Variants in ARL15 observed in about 807,000 individuals in gnomAD.
ARL15 encodes ADP-ribosylation factor-like protein 15.
In ARL15, 19 loss-of-function variants were observed where a neutral mutation model predicts 25.2. The observed-to-expected ratio is 0.75, with a 90% confidence interval of 0.53 to 1.10. The LOEUF is 1.10. ARL15 is among the 50% of genes least tolerant of loss of function. ARL15 has a pLI of 0.00. For missense variants in ARL15, 220 were observed against 246.0 expected (o/e 0.89, Z 0.71); for synonymous variants, 94 against 86.8 (o/e 1.08, Z -0.46).
At chr5:54,139,835 A>C (rs1163993569) in intron 3 of ARL15, among the ~76,000 whole-genome samples, 1 of 152,164 alleles carries the variant, frequency 6.6e-6, no homozygotes, top group Non-Finnish European at 1.5e-5. Context: ...CTGTCTCAAA[A>C]AAAAGGAATA....
At chr5:53,999,094 A>C (rs1354755351) in intron 4 of ARL15, among the ~76,000 whole-genome samples, 1 of 152,182 alleles carries the variant, frequency 6.6e-6, no homozygotes, top group East Asian at 1.9e-4. Flanking sequence ...AAGTGGAAGA[A>C]ATCTCCTAGG....
chr5:53,888,975 A>C (rs559547559), intron 4 of ARL15, among the ~76,000 whole-genome samples: 1 of 152,300 alleles, frequency 6.6e-6, no homozygotes, highest in South Asian at 2.1e-4. Context: ...TTGATCAATA[A>C]TGCTTCCCAT....
intron 4 of ARL15, among the ~76,000 whole-genome samples, chr5:54,004,881 G>A (rs1374845397): frequency 4.6e-5 from 7 of 151,846 alleles, no homozygotes; most frequent in Non-Finnish European, 1.0e-4. Context: ...TTTTGTTGAG[G>A]GCCTACAATG....
chr5:54,116,074 G>A lies in ARL15; in HGVS notation c.254-2664C>T, dbSNP rs140273699. ...GATGCGATAAGGAACTCTAAAGCAT[G>A]GATTGAACCACAGAAGTTGTCTAGT... is the stretch of plus-strand genomic sequence containing the variant. On this transcript the variant is annotated intron_variant, in intron 3 of 4. Coordinates refer to ENST00000504924, the MANE Select transcript of ARL15 (RefSeq NM_019087.3). Among the ~76,000 whole-genome samples the A allele has an allele frequency of 3.3e-5, 5 of 152,322 alleles. No homozygotes were observed. In the East Asian group the frequency reaches 9.7e-4, roughly 29 times the overall value.
chr5:54,206,755 G>A (rs368740154), intron 1 of ARL15, among the ~76,000 whole-genome samples: 20 of 152,280 alleles, frequency 1.3e-4, no homozygotes, highest in South Asian at 8.3e-4. Context: ...AGAAGTAGCC[G>A]TCAGGGAAAG....
At chr5:54,030,165 A>G (rs1372159961) in intron 4 of ARL15, among the ~76,000 whole-genome samples, 5 of 152,076 alleles carry the variant, frequency 3.3e-5, no homozygotes, top group South Asian at 2.1e-4. Context: ...ACAGAGCAAC[A>G]CCCTGTTTCA....
At chr5:54,022,741 G>A (rs891620819) in intron 4 of ARL15, among the ~76,000 whole-genome samples, 4 of 152,066 alleles carry the variant, frequency 2.6e-5, no homozygotes, top group African/African-American at 9.7e-5. Context: ...TGGGGCTCCC[G>A]TCTATATGCA....
intron 1 of ARL15, among the ~76,000 whole-genome samples, chr5:54,298,879 C>T (rs1758538947): frequency 8.0e-6 from 1 of 124,228 alleles, no homozygotes; most frequent in Non-Finnish European, 1.7e-5. Context: ...TTTCTGGTTG[C>T]TGTTGGTTTT....
chr5:54,198,988 T>C (rs370222232), intron 1 of ARL15, among the ~76,000 whole-genome samples: 42,848 of 150,358 alleles, frequency 0.28, 6,485 homozygotes, highest in African/African-American at 0.37. Flanking sequence ...TCAGAAATAA[T>C]GCCACATATC....
intron 4 of ARL15, among the ~76,000 whole-genome samples, chr5:53,966,120 G>C (rs1330994866): frequency 6.6e-6 from 1 of 152,154 alleles, no homozygotes; most frequent in Admixed American, 6.5e-5. Context: ...CAGGATTAGA[G>C]GAGTGGAACT....
chr5:54,195,778 T>C (rs867245483), intron 1 of ARL15, among the ~76,000 whole-genome samples: 2 of 152,154 alleles, frequency 1.3e-5, no homozygotes, highest in African/African-American at 4.8e-5. Flanking sequence ...TGCATACAGT[T>C]ATACAACTAG....
intron 4 of ARL15, among the ~76,000 whole-genome samples, chr5:53,995,170 A>T (rs1385822414): frequency 1.3e-5 from 2 of 152,002 alleles, no homozygotes; most frequent in Non-Finnish European, 2.9e-5. Context: ...TTAGCTGGGC[A>T]TGGTGGTGGG....
At chr5:54,088,210 A>C (rs1752032358) in intron 4 of ARL15, among the ~76,000 whole-genome samples, 2 of 152,224 alleles carry the variant, frequency 1.3e-5, no homozygotes, top group Admixed American at 1.3e-4. Flanking sequence ...AAAAACAATT[A>C]ATTCTACAAT....
At chr5:54,147,278 A>T (rs1399960630) in intron 3 of ARL15, among the ~76,000 whole-genome samples, 1 of 152,076 alleles carries the variant, frequency 6.6e-6, no homozygotes, top group African/African-American at 2.4e-5. Flanking sequence ...ATCACACTAG[A>T]TCCATGACTA....
chr5:53,886,663 A>T lies in ARL15; in HGVS notation c.513T>A (p.Ile171=), dbSNP rs1356213320. 11 of 1,575,946 alleles carry T rather than the reference A, an allele frequency of 7.0e-6. No homozygotes were observed. Among genetic ancestry groups the T allele is most frequent in the Non-Finnish European group, 9.5e-6 (11 of 1,159,572 alleles). ...LEPLARGKRW[I]LQPCSLDDMD... ...TGTCATCCAGTGAGCAGGGCTGTAG[A>T]ATCCAGCGTTTTCCACGTGCAAGTG... is the stretch of plus-strand genomic sequence containing the variant. The change falls in exon 5 of 5, where the codon ATT becomes ATA. Residue 171 remains isoleucine (I), a synonymous_variant. Transcript: ENST00000504924.
chr5:53,975,209 T>C (rs1031401551), intron 4 of ARL15, among the ~76,000 whole-genome samples: 1 of 152,120 alleles, frequency 6.6e-6, no homozygotes, highest in Non-Finnish European at 1.5e-5. Context: ...TATCAATTTG[T>C]AAGAGAAAAA....
chr5:54,171,905 C>A lies in ARL15; in HGVS notation c.72G>T (p.Lys24Asn), dbSNP rs201800027. The change falls in exon 2 of 5, where the codon AAG becomes AAT. Residue 24 changes from lysine to asparagine, a missense_variant. Physicochemically the swap from Lys to Asn is moderately conservative, Grantham distance 94. Transcript: ENST00000504924. ...ATTCTGGTCGTGCAGGTGGTGGTCC[C>A]TTGCAGCAAAGTGCTCTAAAACACT... is the stretch of plus-strand genomic sequence containing the variant. ...DYLCFRALCC[K>N]GPPPARPEYD... 20 of 1,613,022 alleles carry A rather than the reference C, an allele frequency of 1.2e-5. No homozygotes were observed. Among genetic ancestry groups the A allele is most frequent in the Non-Finnish European group, 1.6e-5 (19 of 1,179,334 alleles).
chr5:53,995,655 C>T (rs145371769), intron 4 of ARL15, among the ~76,000 whole-genome samples: 1 of 152,238 alleles, frequency 6.6e-6, no homozygotes, highest in Admixed American at 6.5e-5. Context: ...AGGAAGAGTA[C>T]ATTTTCATTA....
chr5:54,196,168 A>G (rs1755543690), intron 1 of ARL15, among the ~76,000 whole-genome samples: 1 of 152,190 alleles, frequency 6.6e-6, no homozygotes, highest in Admixed American at 6.6e-5. Flanking sequence ...TTAGAGCTAG[A>G]AAATACCTTA....
Sources: allele counts gnomAD v4.1 joint callset (sites outside exome capture counted in the v4.1 genomes callset), GRCh38; gene constraint gnomAD v4.1.1; transcripts MANE v1.5; gene names NCBI Gene and HGNC (gene_info 2026-07-23, HGNC 2026-07-21).